The following KALRN variants were observed in gnomAD, a reference collection of about 807,000 sequenced individuals.
The protein encoded by KALRN is kalirin.
A neutral mutation model predicts 353.7 loss-of-function variants in KALRN; 70 were observed. The observed-to-expected ratio is 0.20, with a 90% CI of 0.16 to 0.24. KALRN has a LOEUF of 0.24. Among genes scored for constraint, KALRN ranks in the 10% least tolerant of loss-of-function variants. The pLI is 1.00. For synonymous variants in KALRN, 1,391 were observed against 1,434.8 expected (o/e 0.97, Z 0.69); for missense variants, 2,791 against 3,756.7 (o/e 0.74, Z 6.72).
intron 3 of KALRN, among the ~76,000 whole-genome samples, chr3:124,256,787 A>G (rs563866104): frequency 6.9e-4 from 105 of 152,330 alleles, no homozygotes; most frequent in South Asian, 5.0e-3. Flanking sequence ...CTTGCCCAGA[A>G]GTTTGAGATG....
At position 124,309,961 on chromosome 3, in the gene KALRN, A is replaced by C. The variant is rs561044021; in HGVS notation, c.1092+11048A>C. On this transcript the variant is annotated intron_variant, in intron 6 of 59. Transcript: ENST00000682506. Reference sequence around the variant, plus strand: ...GGAAAAAGAAATAAGAGTCATCCAAATTGGAAAGAAGTAAAACTATATTTT... The same window carrying C: ...GGAAAAAGAAATAAGAGTCATCCAACTTGGAAAGAAGTAAAACTATATTTT... Among the ~76,000 whole-genome samples the C allele has an allele frequency of 5.9e-5, 9 of 152,332 alleles. No individual in the cohort carries two copies. The East Asian group carries it at 1.7e-3, about 29-fold the overall frequency.
At chr3:124,196,399 T>C (rs997038962) in intron 1 of KALRN, among the ~76,000 whole-genome samples, 4 of 152,114 alleles carry the variant, frequency 2.6e-5, no homozygotes, top group Non-Finnish European at 5.9e-5. Context: ...GCTCAGATCC[T>C]GGATCACAGA....
intron 1 of KALRN, among the ~76,000 whole-genome samples, chr3:124,155,791 G>A (rs1376427840): frequency 6.6e-6 from 1 of 152,158 alleles, no homozygotes; most frequent in East Asian, 1.9e-4. Flanking sequence ...CTGGAAACAG[G>A]CTTGGCTCAT....
At chr3:124,280,497 T>G (rs545155607) in intron 5 of KALRN, among the ~76,000 whole-genome samples, 1 of 152,332 alleles carries the variant, frequency 6.6e-6, no homozygotes, top group South Asian at 2.1e-4. Context: ...TCAGCCTATT[T>G]TCGTTTGACG....
intron 9 of KALRN, among the ~76,000 whole-genome samples, chr3:124,337,916 A>G (rs2081297933): frequency 6.6e-6 from 1 of 152,092 alleles, no homozygotes; most frequent in Non-Finnish European, 1.5e-5. Context: ...TTTCTAGTTT[A>G]TTTGCGTAGA....
At chr3:124,473,374 A>AATGT (rs2308074) in intron 25 of KALRN, among the ~76,000 whole-genome samples, 47,273 of 151,884 alleles carry the variant, frequency 0.31, 7,840 homozygotes, top group Non-Finnish European at 0.38. Flanking sequence ...TAAAATCAAA[A>AATGT]TTAGATAGAA....
intron 33 of KALRN, among the ~76,000 whole-genome samples, chr3:124,561,744 G>T (rs1041114692): frequency 1.3e-5 from 2 of 152,152 alleles, no homozygotes; most frequent in African/African-American, 4.8e-5. Context: ...AACTGCTTTT[G>T]GGGTGAACTT....
At chr3:124,511,457 C>CTTGCTCT (rs1265697786) in intron 33 of KALRN, among the ~76,000 whole-genome samples, 1 of 152,212 alleles carries the variant, frequency 6.6e-6, no homozygotes, top group Admixed American at 6.5e-5. Flanking sequence ...TCTCTATCCT[C>CTTGCTCT]TTGCTCAAGT....
intron 1 of KALRN, among the ~76,000 whole-genome samples, chr3:124,051,434 C>G (rs1305644001): frequency 6.6e-6 from 1 of 152,194 alleles, no homozygotes; most frequent in Non-Finnish European, 1.5e-5. Context: ...GTTCTAGTCA[C>G]TTTTGCTTTT....
chr3:124,663,619 C>G (rs1386730172), intron 45 of KALRN, among the ~76,000 whole-genome samples: 1 of 152,086 alleles, frequency 6.6e-6, no homozygotes, highest in African/African-American at 2.4e-5. Flanking sequence ...GTTGTTGATC[C>G]CCTTAGAGAA....
chr3:124,445,895 T>C (rs912278165), intron 19 of KALRN, among the ~76,000 whole-genome samples: 2 of 152,262 alleles, frequency 1.3e-5, no homozygotes, highest in African/African-American at 4.8e-5. Flanking sequence ...GGGTCATTTG[T>C]AAGTCACTGG....
intron 1 of KALRN, among the ~76,000 whole-genome samples, chr3:124,062,466 G>A (rs777755186): frequency 3.3e-5 from 5 of 152,158 alleles, no homozygotes; most frequent in Non-Finnish European, 7.3e-5. Flanking sequence ...ACAGCTGCTT[G>A]CATCAGACCC....
intron 21 of KALRN, among the ~76,000 whole-genome samples, chr3:124,448,006 T>C (rs1458087043): frequency 6.6e-6 from 1 of 152,174 alleles, no homozygotes; most frequent in African/African-American, 2.4e-5. Flanking sequence ...CAAGTTGGCT[T>C]TATCCGCCCT....
At chr3:124,622,599 A>T (rs559984653) in intron 34 of KALRN, among the ~76,000 whole-genome samples, 1 of 152,190 alleles carries the variant, frequency 6.6e-6, no homozygotes, top group South Asian at 2.1e-4. Context: ...CCACCTGCAC[A>T]TATGCTTGCT....
intron 51 of KALRN, among the ~76,000 whole-genome samples, chr3:124,681,629 C>CTTTTTTTTTTT (rs56934346): frequency 9.6e-6 from 1 of 103,722 alleles, no homozygotes; most frequent in East Asian, 3.0e-4. Flanking sequence ...CAGTGATTGT[C>CTTTTTTTTTTT]TTTTTTTTTT....
chr3:124,529,947 T>A (rs2067903264), intron 33 of KALRN, among the ~76,000 whole-genome samples: 1 of 152,154 alleles, frequency 6.6e-6, no homozygotes, highest in Non-Finnish European at 1.5e-5. Flanking sequence ...TGGTTACCAA[T>A]GAGAAAGACT....
intron 7 of KALRN, among the ~76,000 whole-genome samples, chr3:124,328,055 C>T (rs1432257156): frequency 6.6e-6 from 1 of 152,216 alleles, no homozygotes; most frequent in Non-Finnish European, 1.5e-5. Context: ...GACATTACTA[C>T]TATGGGTATT....
chr3:124,132,755 C>T (rs2065450377), intron 1 of KALRN, among the ~76,000 whole-genome samples: 1 of 152,242 alleles, frequency 6.6e-6, no homozygotes, highest in South Asian at 2.1e-4. Context: ...GATTTTTGCC[C>T]CGTCTCACAT....
At chr3:124,257,822 T>C (rs1010474089) in intron 3 of KALRN, among the ~76,000 whole-genome samples, 1 of 152,166 alleles carries the variant, frequency 6.6e-6, no homozygotes, top group Non-Finnish European at 1.5e-5. Flanking sequence ...GATTTAAAAG[T>C]CTGCTTTGAA....
Sources: gnomAD v4.1 joint callset for allele counts (sites outside exome capture counted in the v4.1 genomes callset) on GRCh38, gnomAD v4.1.1 for gene constraint, MANE v1.5 for transcripts, NCBI Gene and HGNC (gene_info 2026-07-23, HGNC 2026-07-21) for gene names.